TACC2: variants seen among roughly 807,000 people sequenced by gnomAD.
TACC2 encodes the protein transforming acidic coiled-coil containing protein 2, also known as transforming acidic coiled-coil-containing protein 2.
TACC2 carries 137 observed loss-of-function variants against 227.3 expected under a neutral mutation model. That is an observed-to-expected ratio of 0.60 (90% confidence interval 0.52 to 0.69). TACC2 has a LOEUF of 0.69. Ranked by LOEUF, TACC2 falls within the 30% of genes least tolerant of loss-of-function variation. TACC2 has a pLI of 0.00. For synonymous variants in TACC2, 1,523 were observed against 1,487.5 expected (o/e 1.02, Z -0.55); for missense variants, 3,470 against 3,694.4 (o/e 0.94, Z 1.57).
intron 5 of TACC2, among the ~76,000 whole-genome samples, chr10:122,115,317 TGTGA>T (rs1327485764): frequency 1.9e-3 from 20 of 10,622 alleles, no homozygotes; most frequent in African/African-American, 2.0e-3. Flanking sequence ...TGTGTGTGTG[TGTGA>T]GATACCTGAG....
intron 1 of TACC2, chr10:121,994,702 G>C (rs1953207006): frequency 6.5e-6 from 1 of 152,786 alleles, no homozygotes; most frequent in Admixed American, 6.5e-5. Flanking sequence ...CACGCTGGGG[G>C]GATCCTGGGT....
At position 122,037,910 on chromosome 10, in the gene TACC2, T is replaced by G. The variant is rs2461203; in HGVS notation, c.34-12528T>G. Among the ~76,000 whole-genome samples the G allele has an allele frequency of 3.4e-3, 514 of 151,266 alleles. 3 individuals are homozygous for G. Among genetic ancestry groups the G allele is most frequent in the African/African-American group, 0.012 (489 of 41,128 alleles). Reference sequence around the variant, plus strand: ...CTCCCAGGTGAGGCTTTTTGTTGGTTTTTGTTTGTTTGTTTGTTTGTTTGT... The same window carrying G: ...CTCCCAGGTGAGGCTTTTTGTTGGTGTTTGTTTGTTTGTTTGTTTGTTTGT... On this transcript the variant is annotated intron_variant, in intron 2 of 22. Coordinates refer to ENST00000369005, the MANE Select transcript of TACC2 (RefSeq NM_206862.4).
rs544187266 is a variant in TACC2, at chr10:122,208,383, A to T, written c.5972-2014A>T. ...TTGTGAGCTGAGTTCTCTGCCAGGT[A>T]CTCCAGGAGAAAGGTTGCTATGAGC... On this transcript the variant is annotated intron_variant, in intron 8 of 22. Coordinates refer to ENST00000369005, the MANE Select transcript of TACC2 (RefSeq NM_206862.4). Among the ~76,000 whole-genome samples, 17 of 152,298 alleles carry T rather than the reference A, an allele frequency of 1.1e-4. No homozygotes were observed. The South Asian group carries it at 3.5e-3, about 32-fold the overall frequency.
At chr10:122,033,483 A>C (rs749604096) in intron 2 of TACC2, among the ~76,000 whole-genome samples, 1 of 152,140 alleles carries the variant, frequency 6.6e-6, no homozygotes, top group South Asian at 2.1e-4. Context: ...AAACTCTTCT[A>C]CTTTGATTTC....
At chr10:122,042,070 C>T (rs372796014) in intron 2 of TACC2, among the ~76,000 whole-genome samples, 4 of 152,248 alleles carry the variant, frequency 2.6e-5, no homozygotes, top group East Asian at 1.9e-4. Flanking sequence ...CTCAGCCTCC[C>T]GAGTAGCTGG....
intron 1 of TACC2, among the ~76,000 whole-genome samples, chr10:122,019,588 A>G (rs1957088543): frequency 6.6e-6 from 1 of 152,196 alleles, no homozygotes. Flanking sequence ...AGCCCTGCTG[A>G]TGTAATAACG....
chr10:122,222,105 T>A (rs1252027160), intron 11 of TACC2, among the ~76,000 whole-genome samples: 2 of 152,204 alleles, frequency 1.3e-5, no homozygotes, highest in East Asian at 3.9e-4. Flanking sequence ...CAGTTGAGAA[T>A]ATGATGTGCC....
intron 9 of TACC2, among the ~76,000 whole-genome samples, chr10:122,211,997 A>G (rs1168855690): frequency 6.6e-6 from 1 of 152,206 alleles, no homozygotes; most frequent in East Asian, 1.9e-4. Context: ...CCTAATGTTC[A>G]ACTCCAGAGC....
chr10:122,239,209 A>G (rs1195754164), intron 18 of TACC2, among the ~76,000 whole-genome samples: 1 of 152,090 alleles, frequency 6.6e-6, no homozygotes, highest in Non-Finnish European at 1.5e-5. Flanking sequence ...GGGTTTTACC[A>G]TGTTGGCCAG....
At chr10:122,113,054 A>C (rs1373943255) in intron 5 of TACC2, 1 of 152,294 alleles carries the variant, frequency 6.6e-6, no homozygotes, top group Non-Finnish European at 1.5e-5. Flanking sequence ...TCGGGGAGCC[A>C]CGCCGGCCCT....
intron 1 of TACC2, among the ~76,000 whole-genome samples, chr10:122,017,731 C>T (rs971703801): frequency 2.8e-5 from 4 of 143,992 alleles, no homozygotes; most frequent in Non-Finnish European, 6.0e-5. Context: ...GCAGGAGAAT[C>T]GCTTGAACCC....
chr10:122,004,937 G>A (rs536795008), intron 1 of TACC2, among the ~76,000 whole-genome samples: 244 of 152,070 alleles, frequency 1.6e-3, no homozygotes, highest in African/African-American at 5.6e-3. Context: ...AGTTTTAGAT[G>A]TATATTTACC....
intron 1 of TACC2, among the ~76,000 whole-genome samples, chr10:121,998,791 T>A (rs1024627238): frequency 3.3e-5 from 5 of 152,146 alleles, no homozygotes; most frequent in African/African-American, 1.2e-4. Context: ...CGGTATAAAG[T>A]TCAGGAATGA....
intron 7 of TACC2, among the ~76,000 whole-genome samples, chr10:122,176,811 A>T (rs1399666975): frequency 6.6e-6 from 1 of 152,224 alleles, no homozygotes; most frequent in African/African-American, 2.4e-5. Context: ...CACAGTAATT[A>T]TGTGTATATG....
rs1022879695 is a variant in TACC2 at position 122,216,614 on chromosome 10, C to T, written c.7345-13C>T. On this transcript the variant is annotated splice_polypyrimidine_tract_variant and intron_variant, in intron 10 of 22. Coordinates refer to ENST00000369005, the MANE Select transcript of TACC2 (RefSeq NM_206862.4). ...TCTGATGAGACAAGAAACAGTTTCT[C>T]TTCTCTTTGCAGGACCCCACCCCAG... is the stretch of plus-strand genomic sequence containing the variant. 3 of 1,611,494 alleles carry T rather than the reference C, an allele frequency of 1.9e-6. No homozygotes were observed. The highest frequency in any genetic ancestry group is 4.5e-5 in the East Asian group (2 of 44,826).
rs766182197 is a variant in TACC2 at position 122,227,895 on chromosome 10, G to C, written c.7783G>C (p.Val2595Leu). 6.2e-7 allele frequency: 1 copy of C among 1,614,238 alleles called. No individual in the cohort carries two copies. The highest frequency in any genetic ancestry group is 1.1e-5 in the South Asian group (1 of 91,086). Residue 2595 changes from valine to leucine, a missense_variant, in exon 14 of 23, where the codon GTC (valine) becomes CTC (leucine). Coordinates refer to ENST00000369005, the MANE Select transcript of TACC2 (RefSeq NM_206862.4). ...VNTAAKNQHP[V>L]PRGLAPNQES... ...CACTGCTGCGAAAAACCAGCATCCT[G>C]TCCCACGAGGACTGGCCCCTAACCA... is the stretch of plus-strand genomic sequence containing the variant.
chr10:122,034,511 C>A (rs780604732), intron 2 of TACC2, among the ~76,000 whole-genome samples: 3 of 152,118 alleles, frequency 2.0e-5, no homozygotes, highest in Non-Finnish European at 4.4e-5. Context: ...GAGCCAACAG[C>A]AATGCTTCCT....
chr10:122,226,857 A>G (rs1348537698), intron 13 of TACC2, among the ~76,000 whole-genome samples: 1 of 152,112 alleles, frequency 6.6e-6, no homozygotes, highest in Admixed American at 6.5e-5. Flanking sequence ...CCCACTCCCT[A>G]TAATCTCGCC....
intron 7 of TACC2, among the ~76,000 whole-genome samples, chr10:122,155,106 G>A (rs952410466): frequency 1.3e-5 from 2 of 152,196 alleles, no homozygotes; most frequent in Non-Finnish European, 2.9e-5. Context: ...AGGGAAGGAC[G>A]GAGAGGCAGG....
Sources: gnomAD v4.1 joint callset for allele counts (sites outside exome capture counted in the v4.1 genomes callset) on GRCh38, gnomAD v4.1.1 for gene constraint, MANE v1.5 for transcripts, NCBI Gene and HGNC (gene_info 2026-07-23, HGNC 2026-07-21) for gene names.